Variants in HECW2 observed in about 807,000 individuals in gnomAD.
HECW2 encodes HECT, C2 and WW domain containing E3 ubiquitin protein ligase 2, also known as E3 ubiquitin-protein ligase HECW2.
Under a neutral mutation model 175.2 loss-of-function variants are expected in HECW2, and 61 were observed. That is an observed-to-expected ratio of 0.35 (90% CI 0.28 to 0.43). HECW2 has a LOEUF of 0.43. Among genes scored for constraint, HECW2 ranks in the 20% least tolerant of loss-of-function variants. The probability of loss-of-function intolerance (pLI) is 1.00; values close to 1 mark genes in which losing one functional copy is unlikely to be tolerated. For synonymous variants in HECW2, 671 were observed against 731.0 expected, an observed-to-expected ratio of 0.92 and a Z score of 1.32; for missense variants, 1,524 against 2,000.5, an observed-to-expected ratio of 0.76 and a Z score of 4.54.
chr2:196,375,006 A>G (rs1367671126), intron 2 of HECW2, among the ~76,000 whole-genome samples: 1 of 152,020 alleles, frequency 6.6e-6, no homozygotes, highest in East Asian at 1.9e-4. Flanking sequence ...ACTAAAAAAT[A>G]CAAAAATTAG....
At chr2:196,300,327 C>T (rs892610533) in intron 13 of HECW2, among the ~76,000 whole-genome samples, 15 of 152,146 alleles carry the variant, frequency 9.9e-5, no homozygotes, top group African/African-American at 3.6e-4. Flanking sequence ...AAGTTTACTG[C>T]CTTTTTCTTT....
At chr2:196,366,527 C>T (rs999534355) in intron 2 of HECW2, among the ~76,000 whole-genome samples, 5 of 152,178 alleles carry the variant, frequency 3.3e-5, no homozygotes, top group Non-Finnish European at 5.9e-5. Context: ...GAAAGCTATA[C>T]ACAAATCAGA....
chr2:196,235,105 T>TGTA (rs1301512946), intron 21 of HECW2, among the ~76,000 whole-genome samples: 1 of 150,180 alleles, frequency 6.7e-6, no homozygotes, highest in African/African-American at 2.5e-5. Flanking sequence ...TTTGTATTTT[T>TGTA]TTTTTGTTTT....
intron 1 of HECW2, among the ~76,000 whole-genome samples, chr2:196,518,696 T>C (rs7563501): frequency 0.057 from 8,567 of 150,056 alleles, 839 homozygotes; most frequent in African/African-American, 0.2. Flanking sequence ...GAGAATTCTG[T>C]ACTCTGAAGC....
chr2:196,406,697 ACTC>A (rs1694975437), intron 2 of HECW2, among the ~76,000 whole-genome samples: 2 of 151,964 alleles, frequency 1.3e-5, no homozygotes, highest in Admixed American at 6.6e-5. Context: ...TGCTCCAGCC[ACTC>A]TGGCCCTCTC....
chr2:196,343,592 C>T, intron 3 of HECW2, 65 bp downstream of exon 3: 1 of 995,952 alleles, frequency 1.0e-6, no homozygotes, highest in Middle Eastern at 2.1e-4. Context: ...AAAAAGACTC[C>T]ATAGAATTCT....
In HECW2 at chr2:196,276,052, C is replaced by T. The variant is rs562528525; in HGVS notation, c.3136-1929G>A. On this transcript the variant is annotated intron_variant, in intron 15 of 28. Coordinates refer to ENST00000644978, the MANE Select transcript of HECW2 (RefSeq NM_001348768.2). ...ACAGATTGTTAGTCAGATAACTTAT[C>T]ATTTCAACACTCCAATATATACTTT... 3.9e-5 allele frequency among the ~76,000 whole-genome samples: 6 copies of T among 152,320 alleles called. No individual in the cohort carries two copies. The South Asian group carries it at 1.2e-3, about 32-fold the overall frequency.
At chr2:196,348,391 C>T (rs1693040501) in intron 2 of HECW2, among the ~76,000 whole-genome samples, 2 of 152,060 alleles carry the variant, frequency 1.3e-5, no homozygotes, top group Non-Finnish European at 2.9e-5. Flanking sequence ...GCCTGTCATC[C>T]TAACACTTCA....
In HECW2 at chr2:196,472,022, T is replaced by C. The variant is rs376546672; in HGVS notation, c.-35-38564A>G. ...AAGCAAGAGAGAACCTAAAAGTCAC[T>C]TATAGACGAATGGATATACTGTGGC... On this transcript the variant is annotated intron_variant, in intron 1 of 28. Transcript: ENST00000644978. Among the ~76,000 whole-genome samples, 15 of 150,982 alleles carry C rather than the reference T, an allele frequency of 9.9e-5. No individual in the cohort carries two copies. In the East Asian group the frequency reaches 1.2e-3, roughly 12 times the overall value.
Position 196,292,736 on chromosome 2 carries a change from C to T in HECW2, c.2829G>A (p.Met943Ile). The part of the protein sequence containing the change: ...VLHSNPSAYR[M>I]FTNNTCLKHM... ...GCTTCAAACACGTGTTGTTTGTAAA[C>T]ATGCGGTAGGCACTCTAAAGAAAAG... The change falls in exon 14 of 29, where the codon ATG (methionine) becomes ATA (isoleucine). Residue 943 changes from methionine to isoleucine, a missense_variant. Physicochemically the swap from Met to Ile is conservative, Grantham distance 10 (BLOSUM62 1). Coordinates refer to ENST00000644978, the MANE Select transcript of HECW2 (RefSeq NM_001348768.2). The T allele has an allele frequency of 1.9e-6, 3 of 1,613,140 alleles. No homozygotes were observed. Among genetic ancestry groups the T allele is most frequent in the Non-Finnish European group, 2.5e-6 (3 of 1,179,264 alleles).
intron 10 of HECW2, among the ~76,000 whole-genome samples, chr2:196,311,579 C>T (rs1322910094): frequency 1.3e-5 from 2 of 152,068 alleles, no homozygotes; most frequent in African/African-American, 4.8e-5. Flanking sequence ...GGCAGATCAC[C>T]TGAGGCCAGG....
chr2:196,570,137 T>C (rs1690332248), intron 1 of HECW2, among the ~76,000 whole-genome samples: 2 of 152,234 alleles, frequency 1.3e-5, no homozygotes, highest in South Asian at 4.1e-4. Context: ...AAAGTCTCAA[T>C]AGATATGACT....
chr2:196,408,065 T>G (rs1040515881), intron 2 of HECW2, among the ~76,000 whole-genome samples: 2 of 152,234 alleles, frequency 1.3e-5, no homozygotes, highest in African/African-American at 4.8e-5. Context: ...TGACAATGTA[T>G]GTGCCACAAG....
At chr2:196,293,945 A>G (rs1363234208) in intron 13 of HECW2, among the ~76,000 whole-genome samples, 3 of 152,194 alleles carry the variant, frequency 2.0e-5, no homozygotes, top group Admixed American at 1.3e-4. Context: ...GAGGTTTTAG[A>G]ATCTCACCCT....
intron 1 of HECW2, among the ~76,000 whole-genome samples, chr2:196,579,635 C>T (rs1429428616): frequency 6.6e-6 from 1 of 152,126 alleles, no homozygotes; most frequent in Non-Finnish European, 1.5e-5. Context: ...TATTGAAGTA[C>T]TAACCCCAAG....
chr2:196,327,749 T>C (rs1229662351), intron 5 of HECW2, among the ~76,000 whole-genome samples: 1 of 152,216 alleles, frequency 6.6e-6, no homozygotes, highest in East Asian at 1.9e-4. Flanking sequence ...TCTGGCTATA[T>C]GGTAAGAAAT....
chr2:196,556,215 TTGATA>T (rs373455148), intron 1 of HECW2, among the ~76,000 whole-genome samples: 1 of 152,198 alleles, frequency 6.6e-6, no homozygotes, highest in African/African-American at 2.4e-5. Flanking sequence ...ACATGATGTT[TTGATA>T]TATGTATGCA....
At chr2:196,369,344 CT>C (rs1693843030) in intron 2 of HECW2, among the ~76,000 whole-genome samples, 2 of 84,022 alleles carry the variant, frequency 2.4e-5, no homozygotes, top group Non-Finnish European at 4.9e-5. Context: ...CAAATGGAGT[CT>C]CTCTCTCTCT....
intron 2 of HECW2, among the ~76,000 whole-genome samples, chr2:196,428,538 T>C (rs1387114202): frequency 6.6e-6 from 1 of 152,214 alleles, no homozygotes; most frequent in East Asian, 1.9e-4. Context: ...TTTAATAGTA[T>C]CCAAAAAATT....
Sources: gnomAD v4.1 joint callset for allele counts (sites outside exome capture counted in the v4.1 genomes callset) on GRCh38, gnomAD v4.1.1 for gene constraint, MANE v1.5 for transcripts, NCBI Gene and HGNC (gene_info 2026-07-23, HGNC 2026-07-21) for gene names.